SLC4A5: variants seen among roughly 807,000 people sequenced by gnomAD.
The protein encoded by SLC4A5 is solute carrier family 4 member 5, also known as electrogenic sodium bicarbonate cotransporter 4.
A neutral mutation model predicts 120.4 loss-of-function variants in SLC4A5; 96 were observed. That is an observed-to-expected ratio of 0.80 (90% CI 0.68 to 0.94). SLC4A5 has a LOEUF of 0.94. Among genes scored for constraint, SLC4A5 ranks in the 40% least tolerant of loss-of-function variants. SLC4A5 has a pLI of 0.00. For missense variants in SLC4A5, 1,259 were observed against 1,459.5 expected, an observed-to-expected ratio of 0.86 and a Z score of 2.24; for synonymous variants, 550 against 571.1, an observed-to-expected ratio of 0.96 and a Z score of 0.53.
At chr2:74,295,700 C>T (rs1006990003) in intron 7 of SLC4A5, among the ~76,000 whole-genome samples, 3 of 152,122 alleles carry the variant, frequency 2.0e-5, no homozygotes, top group Admixed American at 6.5e-5. Flanking sequence ...ACAAAGTAAA[C>T]CCCCTCCATG....
chr2:74,219,199 GTGTGTGTGTGTGTGTGTGTGTT>G (rs1204820615), intron 30 of SLC4A5, among the ~76,000 whole-genome samples: 33 of 125,278 alleles, frequency 2.6e-4, no homozygotes, highest in African/African-American at 5.5e-4. Context: ...GTGTGTGTGT[GTGTGTGTGTGTGTGTGTGTGTT>G]TGTGTGTGTT....
At chr2:74,341,764 T>TA (rs1673632181) in intron 2 of SLC4A5, among the ~76,000 whole-genome samples, 1 of 152,210 alleles carries the variant, frequency 6.6e-6, no homozygotes, top group Admixed American at 6.5e-5. Flanking sequence ...TGCCCAGACT[T>TA]AGAGTAAGAG....
At chr2:74,244,366 G>C (rs1641410293) in intron 19 of SLC4A5, among the ~76,000 whole-genome samples, 2 of 151,940 alleles carry the variant, frequency 1.3e-5, no homozygotes, top group Admixed American at 1.3e-4. Context: ...TCTTTCGCTT[G>C]TTTGTTCGTT....
At chr2:74,258,646 T>C (rs1671042623) in intron 12 of SLC4A5, among the ~76,000 whole-genome samples, 1 of 152,250 alleles carries the variant, frequency 6.6e-6, no homozygotes, top group South Asian at 2.1e-4. Context: ...TGGTGTGTTA[T>C]TTAACTGCTG....
chr2:74,231,352 T>C lies in SLC4A5; in HGVS notation c.2775-44A>G, dbSNP rs764160250. Reference sequence around the variant, plus strand: ...TGGTCAGGGTGTACCAGGAAATGCCTGGCAACTACTCTGGCCCTCCTGCCC... The same window carrying C: ...TGGTCAGGGTGTACCAGGAAATGCCCGGCAACTACTCTGGCCCTCCTGCCC... On this transcript the variant is annotated intron_variant, in intron 24 of 30. Coordinates refer to ENST00000394019, the Ensembl canonical transcript of SLC4A5. 2.5e-6 allele frequency: 4 copies of C among 1,581,332 alleles called. No homozygotes were observed. The Admixed American group carries it at 6.8e-5, about 27-fold the overall frequency.
exon 15 of SLC4A5, chr2:74,253,093 C>A: frequency 6.2e-7 from 1 of 1,614,056 alleles, no homozygotes; most frequent in Non-Finnish European, 8.5e-7. Flanking sequence ...TCAGATCTTC[C>A]CGATTGCGGG....
intron 28 of SLC4A5, among the ~76,000 whole-genome samples, chr2:74,224,596 T>C (rs577593747): frequency 9.9e-5 from 15 of 152,178 alleles, no homozygotes; most frequent in Non-Finnish European, 1.8e-4. Flanking sequence ...AGAGTGGGCA[T>C]GGCCAGTCAC....
chr2:74,304,341 G>A, intron 7 of SLC4A5, 148 bp downstream of exon 7: 1 of 745,976 alleles, frequency 1.3e-6, no homozygotes, highest in Non-Finnish European at 2.0e-6. Context: ...GGCCAACAAT[G>A]GAAGCAGAGC....
At chr2:74,251,312 A>G (rs1490908074) in intron 16 of SLC4A5, among the ~76,000 whole-genome samples, 1 of 152,158 alleles carries the variant, frequency 6.6e-6, no homozygotes, top group Admixed American at 6.5e-5. Flanking sequence ...AACCACTGGT[A>G]TAAAGCCAAG....
chr2:74,244,244 T>C (rs1670535558), intron 19 of SLC4A5, among the ~76,000 whole-genome samples: 1 of 152,236 alleles, frequency 6.6e-6, no homozygotes, highest in Non-Finnish European at 1.5e-5. Context: ...TAGTGGTCAA[T>C]AACGGCCCAT....
intron 17 of SLC4A5, among the ~76,000 whole-genome samples, 195 bp downstream of exon 17, chr2:74,250,148 A>G (rs1011666830): frequency 6.6e-5 from 10 of 152,202 alleles, no homozygotes; most frequent in Non-Finnish European, 1.5e-4. Flanking sequence ...TTTAGTAATG[A>G]GATTTAGCTT....
chr2:74,332,507 A>G (rs1332676080), intron 4 of SLC4A5, among the ~76,000 whole-genome samples: 2 of 152,154 alleles, frequency 1.3e-5, no homozygotes, highest in African/African-American at 4.8e-5. Context: ...TGGTCTGGAC[A>G]TCATAATGAA....
chr2:74,254,716 A>C lies in SLC4A5; in HGVS notation c.1026-10T>G, dbSNP rs199498124. ...TAGTATAAACAGAAATCTGCAAAGA[A>C]GATGGAGGAGGAGACAGAGAAGATT... is the stretch of plus-strand genomic sequence containing the variant. On this transcript the variant is annotated splice_polypyrimidine_tract_variant and intron_variant, in intron 13 of 30. Transcript: ENST00000394019. 1 of 1,588,550 alleles carries C rather than the reference A, an allele frequency of 6.3e-7. No homozygotes were observed. Among genetic ancestry groups the C allele is most frequent in the East Asian group, 2.2e-5 (1 of 44,762 alleles).
chr2:74,241,329 G>A (rs1288358189), intron 20 of SLC4A5, among the ~76,000 whole-genome samples: 1 of 150,864 alleles, frequency 6.6e-6, no homozygotes. Flanking sequence ...GCAGTGGTGC[G>A]ATCTTGGCTC....
At chr2:74,334,287 A>G (rs890411808) in intron 3 of SLC4A5, 110 bp from the exon 4 acceptor site, 4 of 152,160 alleles carry the variant, frequency 2.6e-5, no homozygotes, top group Admixed American at 2.6e-4. Context: ...CACCACCCCT[A>G]TCTACTTCCC....
At chr2:74,335,893 T>C (rs1187152545) in intron 3 of SLC4A5, among the ~76,000 whole-genome samples, 2 of 152,066 alleles carry the variant, frequency 1.3e-5, no homozygotes, top group African/African-American at 4.8e-5. Flanking sequence ...GACATTTATA[T>C]ATATTTTAAA....
chr2:74,328,736 T>C (rs760412974), intron 4 of SLC4A5, among the ~76,000 whole-genome samples: 17 of 152,320 alleles, frequency 1.1e-4, no homozygotes, highest in Non-Finnish European at 2.4e-4. Context: ...AACTTTTAAG[T>C]TGTTAGAGCT....
intron 21 of SLC4A5, among the ~76,000 whole-genome samples, chr2:74,238,319 C>T (rs1558871621): frequency 2.0e-5 from 3 of 151,928 alleles, no homozygotes; most frequent in African/African-American, 7.3e-5. Context: ...TTAATTCTTC[C>T]CAAACAGAGG....
intron 7 of SLC4A5, among the ~76,000 whole-genome samples, chr2:74,287,085 G>A (rs970331963): frequency 2.6e-5 from 4 of 152,072 alleles, no homozygotes; most frequent in Non-Finnish European, 4.4e-5. Context: ...GCAATCTCTC[G>A]TTCACTGTCT....
Sources: gnomAD v4.1 joint callset for allele counts (sites outside exome capture counted in the v4.1 genomes callset) on GRCh38, gnomAD v4.1.1 for gene constraint, MANE v1.5 for transcripts, NCBI Gene and HGNC (gene_info 2026-07-23, HGNC 2026-07-21) for gene names.